PHACTR3: variants seen among roughly 807,000 people sequenced by gnomAD.
PHACTR3 encodes phosphatase and actin regulator 3.
Under a neutral mutation model 66.8 loss-of-function variants are expected in PHACTR3, and 16 were observed. The ratio of observed to expected loss-of-function variants is 0.24; its 90% CI spans 0.16 to 0.36. The LOEUF is 0.36. Among genes scored for constraint, PHACTR3 ranks in the 10% least tolerant of loss-of-function variants. The pLI is 1.00. For missense variants in PHACTR3, 647 were observed against 719.9 expected, an observed-to-expected ratio of 0.90 and a Z score of 1.16; for synonymous variants, 323 against 292.1, an observed-to-expected ratio of 1.11 and a Z score of -1.08.
intron 4 of PHACTR3, among the ~76,000 whole-genome samples, chr20:59,764,398 C>G (rs2040108039): frequency 6.6e-6 from 1 of 152,136 alleles, no homozygotes; most frequent in Non-Finnish European, 1.5e-5. Context: ...GCCACATTGT[C>G]CTGGAGGAGA....
At chr20:59,618,415 G>A (rs1043185846) in intron 1 of PHACTR3, among the ~76,000 whole-genome samples, 6 of 152,306 alleles carry the variant, frequency 3.9e-5, no homozygotes, top group African/African-American at 1.2e-4. Flanking sequence ...TGGCCACCCC[G>A]GGTGGAAATG....
chr20:59,777,463 T>C (rs2040579224), intron 7 of PHACTR3, among the ~76,000 whole-genome samples: 3 of 152,182 alleles, frequency 2.0e-5, no homozygotes, highest in African/African-American at 7.2e-5. Flanking sequence ...GAGATCTCTG[T>C]GGCTGGGCCG....
chr20:59,783,374 A>G (rs1352382023), intron 7 of PHACTR3, among the ~76,000 whole-genome samples: 1 of 152,222 alleles, frequency 6.6e-6, no homozygotes, highest in Non-Finnish European at 1.5e-5. Context: ...CAGAGCTCTC[A>G]GAGTGGGAAC....
At chr20:59,825,414 A>G (rs2042160193) in intron 8 of PHACTR3, among the ~76,000 whole-genome samples, 1 of 152,260 alleles carries the variant, frequency 6.6e-6, no homozygotes, top group South Asian at 2.1e-4. Flanking sequence ...TCACTTGTTC[A>G]TTCATTCACT....
intron 1 of PHACTR3, chr20:59,676,787 T>G: frequency 1.1e-6 from 1 of 943,152 alleles, no homozygotes; most frequent in Non-Finnish European, 1.3e-6. Flanking sequence ...GCCCCACATC[T>G]CTGGTGAGGC....
At chr20:59,580,566 G>GTT (rs10690263) in intron 1 of PHACTR3, among the ~76,000 whole-genome samples, 257 of 147,274 alleles carry the variant, frequency 1.7e-3, no homozygotes, top group African/African-American at 5.3e-3. Context: ...CACTAAATGA[G>GTT]TTTTTTTTTT....
At chr20:59,621,546 C>T (rs966500419) in intron 1 of PHACTR3, among the ~76,000 whole-genome samples, 1 of 152,260 alleles carries the variant, frequency 6.6e-6, no homozygotes, top group Admixed American at 6.5e-5. Context: ...AGATCTTTGC[C>T]TCCTTCCTGT....
intron 1 of PHACTR3, among the ~76,000 whole-genome samples, chr20:59,737,728 GC>G (rs2039003040): frequency 6.6e-6 from 1 of 152,162 alleles, no homozygotes. Context: ...GGTGAGTACA[GC>G]CCCACAAAGG....
At chr20:59,806,787 C>T (rs1409385466) in intron 8 of PHACTR3, among the ~76,000 whole-genome samples, 4 of 152,210 alleles carry the variant, frequency 2.6e-5, no homozygotes, top group East Asian at 1.9e-4. Flanking sequence ...ACCCAGAGGG[C>T]GCGGTCTGCA....
intron 1 of PHACTR3, among the ~76,000 whole-genome samples, chr20:59,669,732 C>T (rs557556994): frequency 3.3e-5 from 5 of 152,300 alleles, no homozygotes; most frequent in South Asian, 2.1e-4. Flanking sequence ...TGACATGTGG[C>T]GGTTATGACT....
chr20:59,822,175 G>C (rs1446911477), intron 8 of PHACTR3, among the ~76,000 whole-genome samples: 13 of 23,242 alleles, frequency 5.6e-4, no homozygotes, highest in African/African-American at 3.2e-3. Context: ...CTTCCGCAGC[G>C]ATCCCACCCC....
intron 1 of PHACTR3, among the ~76,000 whole-genome samples, chr20:59,682,010 C>CAAA (rs539181814): frequency 7.9e-6 from 1 of 126,602 alleles, no homozygotes; most frequent in Non-Finnish European, 1.7e-5. Flanking sequence ...AACTCTATCT[C>CAAA]AAAAAAAAAA....
chr20:59,786,768 G>A (rs1390334606), intron 7 of PHACTR3, among the ~76,000 whole-genome samples: 1 of 150,706 alleles, frequency 6.6e-6, no homozygotes. Flanking sequence ...ACAGATGTCC[G>A]TGGAGCTCTC....
chr20:59,791,911 C>G lies in PHACTR3; in HGVS notation c.1175-14130C>G, dbSNP rs373375904. Among the ~76,000 whole-genome samples, 529 of 152,266 alleles carry G rather than the reference C, an allele frequency of 3.5e-3. 3 individuals are homozygous for G. The highest frequency in any genetic ancestry group is 0.01 in the Middle Eastern group (3 of 294). ...TGGTTTCTTATCTGTCCCATTGGGGCTGTTTTATGCTTATACAAGCGAAGA... is the reference window on the plus strand; with the variant it reads ...TGGTTTCTTATCTGTCCCATTGGGGGTGTTTTATGCTTATACAAGCGAAGA... On this transcript the variant is annotated intron_variant, in intron 7 of 12. Coordinates refer to ENST00000371015, the MANE Select transcript of PHACTR3 (RefSeq NM_080672.5).
At chr20:59,670,611 G>GGGGC (rs1555810024) in intron 1 of PHACTR3, among the ~76,000 whole-genome samples, 1 of 136,604 alleles carries the variant, frequency 7.3e-6, no homozygotes, top group East Asian at 2.5e-4. Context: ...GGGGTGGGGG[G>GGGGC]GGGGGGCAGG....
chr20:59,764,171 C>T (rs2040097150), intron 4 of PHACTR3, among the ~76,000 whole-genome samples: 1 of 152,068 alleles, frequency 6.6e-6, no homozygotes, highest in South Asian at 2.1e-4. Flanking sequence ...ATGTGGAGAT[C>T]AGACATAGAA....
At chr20:59,747,954 C>A in intron 3 of PHACTR3, 119 bp downstream of exon 3, 1 of 1,046,732 alleles carries the variant, frequency 9.6e-7, no homozygotes, top group Non-Finnish European at 1.4e-6. Flanking sequence ...GGGCCGTGTT[C>A]AGATGAAGCC....
At chr20:59,779,495 C>T (rs6070942) in intron 7 of PHACTR3, among the ~76,000 whole-genome samples, 1 of 152,304 alleles carries the variant, frequency 6.6e-6, no homozygotes, top group East Asian at 1.9e-4. Flanking sequence ...ACTGTCTCGC[C>T]TGATACATTG....
chr20:59,823,578 CTT>C (rs1003469033), intron 8 of PHACTR3, among the ~76,000 whole-genome samples: 2 of 152,220 alleles, frequency 1.3e-5, no homozygotes, highest in African/African-American at 2.4e-5. Context: ...GATCTACCAA[CTT>C]AAGTTATTTT....
Sources: gnomAD v4.1 joint callset for allele counts (sites outside exome capture counted in the v4.1 genomes callset) on GRCh38, gnomAD v4.1.1 for gene constraint, MANE v1.5 for transcripts, NCBI Gene and HGNC (gene_info 2026-07-23, HGNC 2026-07-21) for gene names.